The following CRISPLD2 variants were observed in gnomAD, a reference collection of about 807,000 sequenced individuals.
CRISPLD2 encodes cysteine rich secretory protein LCCL domain containing 2.
Under a neutral mutation model 71.1 loss-of-function variants are expected in CRISPLD2, and 47 were observed. The ratio of observed to expected loss-of-function variants is 0.66; its 90% CI spans 0.52 to 0.84. The LOEUF (loss-of-function observed/expected upper bound fraction) is 0.84. Ranked by LOEUF, CRISPLD2 falls within the 40% of genes least tolerant of loss-of-function variation. The pLI is 0.00. For missense variants in CRISPLD2, 830 were observed against 651.1 expected, an observed-to-expected ratio of 1.27 and a Z score of -2.99; for synonymous variants, 317 against 250.1, an observed-to-expected ratio of 1.27 and a Z score of -2.52.
At chr16:84,870,480 C>T (rs911474751) in intron 8 of CRISPLD2, among the ~76,000 whole-genome samples, 28 of 152,180 alleles carry the variant, frequency 1.8e-4, no homozygotes, top group African/African-American at 5.3e-4. Flanking sequence ...CCACCATGCC[C>T]GGCTCATATT....
At chr16:84,889,617 A>G (rs765082581) in intron 14 of CRISPLD2, among the ~76,000 whole-genome samples, 3 of 151,948 alleles carry the variant, frequency 2.0e-5, no homozygotes, top group Non-Finnish European at 2.9e-5. Context: ...CCTATTACCA[A>G]TGGACGTTTT....
At chr16:84,901,392 T>G (rs939377977) in intron 14 of CRISPLD2, among the ~76,000 whole-genome samples, 1 of 152,058 alleles carries the variant, frequency 6.6e-6, no homozygotes, top group African/African-American at 2.4e-5. Flanking sequence ...GATTGTGTGT[T>G]CAACAACTAA....
At chr16:84,859,495 TGTCAGTAGC>T (rs1265751178) in intron 6 of CRISPLD2, among the ~76,000 whole-genome samples, 1 of 152,142 alleles carries the variant, frequency 6.6e-6, no homozygotes, top group Non-Finnish European at 1.5e-5. Context: ...CAGCATAAAT[TGTCAGTAGC>T]GTAGTGGGGT....
intron 13 of CRISPLD2, among the ~76,000 whole-genome samples, chr16:84,881,395 G>A (rs1321231833): frequency 6.6e-6 from 1 of 152,112 alleles, no homozygotes; most frequent in Non-Finnish European, 1.5e-5. Flanking sequence ...GCTTTAGCCC[G>A]GTTTTTCTTA....
chr16:84,904,078 C>G (rs1303527677), intron 14 of CRISPLD2, among the ~76,000 whole-genome samples: 2 of 152,220 alleles, frequency 1.3e-5, no homozygotes, highest in African/African-American at 4.8e-5. Context: ...CAGTTATCAT[C>G]TGGGGCAGAA....
At chr16:84,855,783 C>A (rs1356803707) in intron 6 of CRISPLD2, among the ~76,000 whole-genome samples, 1 of 152,190 alleles carries the variant, frequency 6.6e-6, no homozygotes, top group African/African-American at 2.4e-5. Flanking sequence ...ATCATAATTA[C>A]ACTAACATAA....
At chr16:84,874,039 G>C (rs1457806918) in intron 11 of CRISPLD2, 76 bp downstream of exon 11, 12 of 1,301,328 alleles carry the variant, frequency 9.2e-6, no homozygotes, top group African/African-American at 1.5e-5. Flanking sequence ...ACTTCCTTTA[G>C]TCGCTGATTT....
intron 13 of CRISPLD2, among the ~76,000 whole-genome samples, chr16:84,883,142 GGAGGGAA>G (rs1365799438): frequency 2.0e-5 from 3 of 152,200 alleles, no homozygotes; most frequent in South Asian, 2.1e-4. Context: ...AAAGAATGAA[GGAGGGAA>G]GAGGGAAGGA....
chr16:84,864,907 C>T (rs1048427844), intron 6 of CRISPLD2, among the ~76,000 whole-genome samples: 1 of 152,162 alleles, frequency 6.6e-6, no homozygotes, highest in Admixed American at 6.5e-5. Flanking sequence ...GACTTAAACC[C>T]GTCCCTTCCC....
At chr16:84,858,214 C>G (rs1237438102) in intron 6 of CRISPLD2, among the ~76,000 whole-genome samples, 1 of 152,150 alleles carries the variant, frequency 6.6e-6, no homozygotes, top group Non-Finnish European at 1.5e-5. Flanking sequence ...GTCGTATGGC[C>G]CAAGTGGTAG....
intron 6 of CRISPLD2, among the ~76,000 whole-genome samples, chr16:84,861,475 A>T (rs1917379161): frequency 1.3e-5 from 2 of 152,190 alleles, no homozygotes; most frequent in African/African-American, 4.8e-5. Context: ...GGCAGGAAGC[A>T]TCCAGCATGG....
In CRISPLD2 at chr16:84,874,001, G is replaced by C. The variant is rs992558265; in HGVS notation, c.1156+38G>C. 3 of 1,546,564 alleles carry C rather than the reference G, an allele frequency of 1.9e-6. No individual in the cohort carries two copies. In the African/African-American group the frequency reaches 4.2e-5, roughly 22 times the overall value. The stretch of plus-strand genomic sequence containing the variant: ...GTCTCTTTTGCGACCATAATACCTG[G>C]GTTATCTCAGATTTTCCTGGAAATT... On this transcript the variant is annotated intron_variant, in intron 11 of 14. Coordinates refer to ENST00000262424, the MANE Select transcript of CRISPLD2 (RefSeq NM_031476.4).
chr16:84,883,531 A>G (rs1473041352), intron 13 of CRISPLD2, among the ~76,000 whole-genome samples: 3 of 152,060 alleles, frequency 2.0e-5, no homozygotes, highest in African/African-American at 7.2e-5. Flanking sequence ...ATACGTTCTC[A>G]CACTTGTGCA....
chr16:84,886,444 T>C (rs1345613096), intron 13 of CRISPLD2, among the ~76,000 whole-genome samples: 2 of 152,002 alleles, frequency 1.3e-5, no homozygotes, highest in Non-Finnish European at 2.9e-5. Flanking sequence ...TGGGCTGGCC[T>C]CTCTCGAGGG....
chr16:84,836,004 T>A (rs910648482), intron 1 of CRISPLD2, among the ~76,000 whole-genome samples: 3 of 152,240 alleles, frequency 2.0e-5, no homozygotes, highest in African/African-American at 7.2e-5. Context: ...TTTTGAGCAC[T>A]GCCCTGAAGC....
At chr16:84,826,966 G>T (rs60120092) in intron 1 of CRISPLD2, among the ~76,000 whole-genome samples, 1 of 152,158 alleles carries the variant, frequency 6.6e-6, no homozygotes, top group Non-Finnish European at 1.5e-5. Context: ...AGAGGTCAGA[G>T]CAACATCAAA....
At chr16:84,889,465 C>T (rs2071642281) in intron 14 of CRISPLD2, 102 bp downstream of exon 14, 1 of 1,249,030 alleles carries the variant, frequency 8.0e-7, no homozygotes, top group Non-Finnish European at 1.1e-6. Context: ...TAAAATAAAA[C>T]TCGGGTAGAC....
intron 9 of CRISPLD2, among the ~76,000 whole-genome samples, chr16:84,872,714 C>G (rs2071482006): frequency 6.6e-6 from 1 of 152,202 alleles, no homozygotes; most frequent in Non-Finnish European, 1.5e-5. Flanking sequence ...AGGCCAGTCT[C>G]CGTCTTAGAC....
chr16:84,872,997 T>G lies in CRISPLD2; in HGVS notation c.987T>G (p.Ser329=), dbSNP rs772736629. The part of the protein sequence containing the change: ...IFGTLFYESS[S]SICRAAIHYG... The stretch of plus-strand genomic sequence containing the variant: ...TTCTCTTCCCTTCCCGCCAGTCGTC[T>G]AGCATATGCCGCGCCGCCATCCACT... Residue 329 remains serine, a synonymous_variant, in exon 10 of 15, where the codon TCT becomes TCG. Coordinates refer to ENST00000262424, the MANE Select transcript of CRISPLD2 (RefSeq NM_031476.4). 6.2e-7 allele frequency: 1 copy of G among 1,610,976 alleles called. No individual in the cohort carries two copies. The highest frequency in any genetic ancestry group is 1.3e-5 in the African/African-American group (1 of 74,812).
Sources: allele counts gnomAD v4.1 joint callset (sites outside exome capture counted in the v4.1 genomes callset), GRCh38; gene constraint gnomAD v4.1.1; transcripts MANE v1.5; gene names NCBI Gene and HGNC (gene_info 2026-07-23, HGNC 2026-07-21).